Variants in ATP13A4 observed in about 807,000 individuals in gnomAD.
ATP13A4 encodes the protein ATPase 13A4.
A neutral mutation model predicts 142.5 loss-of-function variants in ATP13A4; 114 were observed. That is an observed-to-expected ratio of 0.80 (90% CI 0.69 to 0.93). The LOEUF (loss-of-function observed/expected upper bound fraction) is 0.93, where lower values mean the gene tolerates loss of function less well. ATP13A4 is among the 40% of genes least tolerant of loss of function. ATP13A4 has a pLI of 0.00. For synonymous variants in ATP13A4, 488 were observed against 514.8 expected (o/e 0.95, Z 0.70); for missense variants, 1,392 against 1,454.0 (o/e 0.96, Z 0.69).
chr3:193,482,887 G>C (rs973170014), intron 8 of ATP13A4, among the ~76,000 whole-genome samples: 4 of 152,156 alleles, frequency 2.6e-5, no homozygotes, highest in African/African-American at 9.7e-5. Flanking sequence ...CTGTTCTATA[G>C]CTAGGTATTT....
intron 25 of ATP13A4, among the ~76,000 whole-genome samples, chr3:193,422,788 AAC>A (rs1715471371): frequency 1.3e-5 from 2 of 149,824 alleles, no homozygotes; most frequent in African/African-American, 4.9e-5. Context: ...AGAAATAACA[AAC>A]AACAACCTAA....
intron 16 of ATP13A4, 111 bp downstream of exon 16, chr3:193,456,887 CCA>C: frequency 7.8e-7 from 1 of 1,283,310 alleles, no homozygotes; most frequent in South Asian, 1.3e-5. Flanking sequence ...TGCCAGTGAG[CCA>C]CCCAATTGGT....
chr3:193,432,560 T>G (rs947797472), intron 25 of ATP13A4, among the ~76,000 whole-genome samples: 1 of 151,988 alleles, frequency 6.6e-6, no homozygotes, highest in Admixed American at 6.6e-5. Context: ...TATTCAGCAC[T>G]AAAAAGAAAT....
intron 2 of ATP13A4, among the ~76,000 whole-genome samples, chr3:193,581,485 G>T (rs944277063): frequency 1.3e-5 from 2 of 152,134 alleles, no homozygotes; most frequent in African/African-American, 2.4e-5. Context: ...TATGTATAGC[G>T]TTTCCACCAT....
At chr3:193,421,667 G>T (rs904354434) in intron 25 of ATP13A4, among the ~76,000 whole-genome samples, 13 of 149,792 alleles carry the variant, frequency 8.7e-5, no homozygotes, top group African/African-American at 2.9e-4. Flanking sequence ...ATAAATTGGG[G>T]GAAGGATGAA....
chr3:193,445,441 A>AT (rs1240943662), intron 18 of ATP13A4, among the ~76,000 whole-genome samples: 3 of 150,936 alleles, frequency 2.0e-5, no homozygotes, highest in Non-Finnish European at 4.4e-5. Context: ...GTCTCAAAAA[A>AT]ATATATAAAA....
At chr3:193,514,548 T>A (rs1721304678) in intron 2 of ATP13A4, 150 bp downstream of exon 2, 4 of 995,616 alleles carry the variant, frequency 4.0e-6, no homozygotes, top group Non-Finnish European at 6.1e-6. Context: ...GAAATCCTGC[T>A]AGATGCAAGG....
chr3:193,529,198 A>G (rs149589641), intron 1 of ATP13A4, among the ~76,000 whole-genome samples: 177 of 151,832 alleles, frequency 1.2e-3, no homozygotes, highest in African/African-American at 4.1e-3. Flanking sequence ...TGAACCCAGG[A>G]TGCGGAGGTT....
At chr3:193,435,556 T>G in intron 24 of ATP13A4, 92 bp downstream of exon 24, 1 of 1,006,788 alleles carries the variant, frequency 9.9e-7, no homozygotes, top group Admixed American at 1.7e-5. Context: ...ATATCCTATT[T>G]GTACTCTTTC....
intron 8 of ATP13A4, among the ~76,000 whole-genome samples, chr3:193,477,930 T>G (rs1168283323): frequency 6.6e-6 from 1 of 152,044 alleles, no homozygotes; most frequent in East Asian, 1.9e-4. Context: ...AAATATCATT[T>G]ACAATAGCAT....
chr3:193,428,172 C>CA (rs1457600239), intron 25 of ATP13A4, among the ~76,000 whole-genome samples: 1 of 151,908 alleles, frequency 6.6e-6, no homozygotes, highest in African/African-American at 2.4e-5. Flanking sequence ...TTTATGCAGC[C>CA]AAAAGACACA....
rs2130407 is a variant in ATP13A4 at position 193,492,979 on chromosome 3, A to G, written c.471T>C (p.Leu157=). 687,055 of 1,608,238 alleles carry G rather than the reference A, an allele frequency of 0.43. 149,649 individuals carry two copies. The highest frequency in any genetic ancestry group is 0.62 in the African/African-American group (46,564 of 74,740). Residue 157 remains leucine (L), a synonymous_variant, in exon 5 of 30, where the codon CTT becomes CTC. Transcript: ENST00000342695. ...FQKIGSLEDW[L]SSAKIHQKFG... ...ATTTTTGATGTATCTTGGCAGAACT[A>G]AGCCAGTCTTCCAAAGAACTAAAAT...
In ATP13A4 at chr3:193,435,758, G is replaced by T. The variant is rs1182734146; in HGVS notation, c.2673-14C>A. Reference sequence around the variant, plus strand: ...GCACGTCCTTCCCTGTGTAAGAAAAGAAATGATAAAGACATGAAAGTAATG... The same window carrying T: ...GCACGTCCTTCCCTGTGTAAGAAAATAAATGATAAAGACATGAAAGTAATG... On this transcript the variant is annotated splice_polypyrimidine_tract_variant and intron_variant, in intron 23 of 29. Transcript: ENST00000342695. 1.9e-6 allele frequency: 3 copies of T among 1,604,138 alleles called. No individual in the cohort carries two copies. Among genetic ancestry groups the T allele is most frequent in the Non-Finnish European group, 2.6e-6 (3 of 1,171,202 alleles).
chr3:193,573,299 A>ATATG (rs1553862269), intron 2 of ATP13A4, among the ~76,000 whole-genome samples: 4 of 78,596 alleles, frequency 5.1e-5, no homozygotes, highest in African/African-American at 2.6e-4. Flanking sequence ...ACACATATAT[A>ATATG]TATATATACA....
At chr3:193,529,219 G>A (rs1722181442) in intron 1 of ATP13A4, among the ~76,000 whole-genome samples, 1 of 151,198 alleles carries the variant, frequency 6.6e-6, no homozygotes, top group African/African-American at 2.4e-5. Flanking sequence ...GCAGTGAGCT[G>A]AGATCGCGCC....
At chr3:193,485,453 C>CT (rs1577012620) in intron 7 of ATP13A4, among the ~76,000 whole-genome samples, 1 of 152,114 alleles carries the variant, frequency 6.6e-6, no homozygotes. Flanking sequence ...TGTTAATTGC[C>CT]TTTTAGCATC....
At chr3:193,455,732 C>A (rs1717570498) in intron 16 of ATP13A4, among the ~76,000 whole-genome samples, 1 of 152,158 alleles carries the variant, frequency 6.6e-6, no homozygotes, top group African/African-American at 2.4e-5. Flanking sequence ...GATGCACATG[C>A]ATATATATGT....
At position 193,411,091 on chromosome 3, in the gene ATP13A4, G is replaced by A. The variant is rs746287047; in HGVS notation, c.3209-21C>T. The A allele has an allele frequency of 3.9e-6, 6 of 1,528,846 alleles. No individual in the cohort carries two copies. In the African/African-American group the frequency reaches 5.5e-5, roughly 14 times the overall value. The allele number at this position is 1,528,846 out of a possible 1,614,324, so 94.7% of individuals were successfully genotyped here. On this transcript the variant is annotated intron_variant, in intron 27 of 29. Transcript: ENST00000342695. ...TATATCTGAGGAAATAAGAACACAA[G>A]GTATTATTTTGAGAAATCAGAGTGA...
In ATP13A4 at chr3:193,448,210, G is replaced by A. The variant is rs1717066216; in HGVS notation, c.2148C>T (p.Ile716=). The change falls in exon 18 of 30, where the codon ATC becomes ATT. Residue 716 remains isoleucine (I), a synonymous_variant. Coordinates refer to ENST00000342695, the MANE Select transcript of ATP13A4 (RefSeq NM_032279.4). ...ACTGTATACTTTGTTTCATACCTGT[G>A]ATCATTACAGTCCTTATCCGGGCTG... ...LISARIRTVM[I]TGDNLQTAIT... 1.2e-6 allele frequency: 2 copies of A among 1,613,856 alleles called. No individual in the cohort carries two copies. The highest frequency in any genetic ancestry group is 8.5e-7 in the Non-Finnish European group (1 of 1,179,966).
Sources: allele counts gnomAD v4.1 joint callset (sites outside exome capture counted in the v4.1 genomes callset), GRCh38; gene constraint gnomAD v4.1.1; transcripts MANE v1.5; gene names NCBI Gene and HGNC (gene_info 2026-07-23, HGNC 2026-07-21).